Variants in DCC observed in about 807,000 individuals in gnomAD.
DCC encodes the protein DCC netrin 1 receptor, also known as netrin receptor DCC.
DCC carries 58 observed loss-of-function variants against 172.5 expected under a neutral mutation model. The observed-to-expected ratio is 0.34, with a 90% confidence interval of 0.27 to 0.42. The LOEUF (loss-of-function observed/expected upper bound fraction) is 0.42. Among genes scored for constraint, DCC ranks in the 10% least tolerant of loss-of-function variants. The probability of loss-of-function intolerance (pLI) is 1.00; values close to 1 mark genes in which losing one functional copy is unlikely to be tolerated. For missense variants in DCC, 1,740 were observed against 1,791.0 expected (o/e 0.97, Z 0.51); for synonymous variants, 709 against 644.5 (o/e 1.10, Z -1.52).
chr18:52,831,962 T>C (rs1464104271), intron 2 of DCC, among the ~76,000 whole-genome samples: 1 of 152,116 alleles, frequency 6.6e-6, no homozygotes, highest in Non-Finnish European at 1.5e-5. Flanking sequence ...TGAAATGATT[T>C]AAAAAGAATT....
chr18:53,293,309 G>A (rs185343276), intron 12 of DCC, among the ~76,000 whole-genome samples: 1 of 152,254 alleles, frequency 6.6e-6, no homozygotes, highest in East Asian at 1.9e-4. Flanking sequence ...AAGTCAAGAA[G>A]CAATAGGAAT....
At chr18:53,225,012 A>C (rs1168467100) in intron 12 of DCC, among the ~76,000 whole-genome samples, 3 of 152,166 alleles carry the variant, frequency 2.0e-5, no homozygotes, top group Non-Finnish European at 4.4e-5. Flanking sequence ...ACATTTAGAG[A>C]TTGGGCAGAT....
chr18:52,740,656 A>G (rs183722301), intron 1 of DCC, among the ~76,000 whole-genome samples: 6 of 152,208 alleles, frequency 3.9e-5, no homozygotes, highest in African/African-American at 1.2e-4. Context: ...TTCATTTCTC[A>G]TGAATCATAA....
In DCC at chr18:53,157,205, T is replaced by A. The variant is rs1165813818; in HGVS notation, c.1262-151T>A. ...ATACAAATATACCTTTTATTCCATTTACTGTGTGCATTCCCTTGGTTTTCT... is the reference window on the plus strand; with the variant it reads ...ATACAAATATACCTTTTATTCCATTAACTGTGTGCATTCCCTTGGTTTTCT... On this transcript the variant is annotated intron_variant, in intron 7 of 28. Coordinates refer to ENST00000442544, the MANE Select transcript of DCC (RefSeq NM_005215.4). 1.3e-5 allele frequency: 12 copies of A among 900,352 alleles called. No homozygotes were observed. In the Admixed American group the frequency reaches 2.1e-4, roughly 16 times the overall value. The allele number at this position is 900,352 out of a possible 1,614,324, so 55.8% of individuals were successfully genotyped here.
chr18:53,453,999 C>T (rs933312584), intron 23 of DCC, among the ~76,000 whole-genome samples: 1 of 152,114 alleles, frequency 6.6e-6, no homozygotes, highest in Non-Finnish European at 1.5e-5. Context: ...TTTGAAGAGA[C>T]CCCTTCCACA....
chr18:53,411,246 A>G (rs1909970689), intron 20 of DCC, among the ~76,000 whole-genome samples: 1 of 152,188 alleles, frequency 6.6e-6, no homozygotes. Context: ...ATTTTAGAGC[A>G]CAGTATTATT....
At chr18:52,784,949 GAC>G (rs1555661534) in intron 2 of DCC, among the ~76,000 whole-genome samples, 7 of 148,494 alleles carry the variant, frequency 4.7e-5, no homozygotes, top group African/African-American at 1.8e-4. Context: ...GAGAGAGAGA[GAC>G]AGAGAGAGAG....
intron 7 of DCC, among the ~76,000 whole-genome samples, chr18:53,111,769 C>A (rs2043336295): frequency 6.6e-6 from 1 of 151,700 alleles, no homozygotes; most frequent in African/African-American, 2.4e-5. Context: ...TGAATAACTG[C>A]ATATGCAATA....
chr18:52,480,510 A>G (rs976713539), intron 1 of DCC, among the ~76,000 whole-genome samples: 3 of 152,220 alleles, frequency 2.0e-5, no homozygotes, highest in African/African-American at 7.2e-5. Context: ...CAAGTGTCCC[A>G]CTGAGTTTGT....
At chr18:53,216,568 A>T (rs1272709890) in intron 12 of DCC, among the ~76,000 whole-genome samples, 2 of 152,198 alleles carry the variant, frequency 1.3e-5, no homozygotes, top group African/African-American at 4.8e-5. Context: ...AAGTAATAGT[A>T]AAATGTATGC....
intron 2 of DCC, among the ~76,000 whole-genome samples, chr18:52,877,427 G>A (rs934470512): frequency 2.0e-5 from 3 of 152,054 alleles, no homozygotes; most frequent in Admixed American, 6.6e-5. Context: ...TAAAGTTTTC[G>A]GCAAGGTGCA....
chr18:52,453,489 C>G (rs1052484794), intron 1 of DCC, among the ~76,000 whole-genome samples: 2 of 152,066 alleles, frequency 1.3e-5, no homozygotes, highest in African/African-American at 2.4e-5. Flanking sequence ...TAGTGGCTAC[C>G]CATAAAAGGT....
chr18:53,388,310 A>G (rs1001348006), intron 16 of DCC, among the ~76,000 whole-genome samples: 2 of 152,248 alleles, frequency 1.3e-5, no homozygotes, highest in Non-Finnish European at 1.5e-5. Flanking sequence ...AAATGAAATC[A>G]AAGGTTAAGG....
chr18:53,006,264 A>G (rs1196838084), intron 5 of DCC, among the ~76,000 whole-genome samples: 1 of 152,230 alleles, frequency 6.6e-6, no homozygotes, highest in Non-Finnish European at 1.5e-5. Flanking sequence ...TGTAAATGAT[A>G]TGAGCCATAA....
chr18:53,226,534 G>A (rs901369260), intron 12 of DCC, among the ~76,000 whole-genome samples: 47 of 152,058 alleles, frequency 3.1e-4, no homozygotes, highest in Non-Finnish European at 1.0e-4. Context: ...ATAAACTTCA[G>A]TAGACAACCT....
At chr18:52,834,778 T>A (rs1456110516) in intron 2 of DCC, among the ~76,000 whole-genome samples, 1 of 152,174 alleles carries the variant, frequency 6.6e-6, no homozygotes, top group African/African-American at 2.4e-5. Flanking sequence ...TTCCTTGTGA[T>A]TAGATGAGTA....
At chr18:53,526,064 C>A (rs1332006571) in intron 27 of DCC, among the ~76,000 whole-genome samples, 6 of 151,816 alleles carry the variant, frequency 4.0e-5, no homozygotes, top group African/African-American at 1.5e-4. Flanking sequence ...TTGACAAAAG[C>A]CATACAAAAA....
chr18:53,312,623 G>A (rs1035367290), intron 13 of DCC, among the ~76,000 whole-genome samples: 6 of 150,802 alleles, frequency 4.0e-5, no homozygotes, highest in Non-Finnish European at 8.9e-5. Flanking sequence ...GAGGTCAGGA[G>A]ATCGAGAAAC....
intron 1 of DCC, among the ~76,000 whole-genome samples, chr18:52,554,635 A>T (rs2144728902): frequency 6.6e-6 from 1 of 152,230 alleles, no homozygotes; most frequent in East Asian, 1.9e-4. Flanking sequence ...TGTGATTTAG[A>T]TTACATAAAT....
Sources: allele counts gnomAD v4.1 joint callset (sites outside exome capture counted in the v4.1 genomes callset), GRCh38; gene constraint gnomAD v4.1.1; transcripts MANE v1.5; gene names NCBI Gene and HGNC (gene_info 2026-07-23, HGNC 2026-07-21).